The following NAV1 variants were observed in gnomAD, a reference collection of about 807,000 sequenced individuals.
NAV1 encodes pore membrane and/or filament interacting like protein 3.
Under a neutral mutation model 175.2 loss-of-function variants are expected in NAV1, and 18 were observed. The observed-to-expected ratio is 0.10, with a 90% confidence interval of 0.07 to 0.15. The LOEUF is 0.15. NAV1 is among the 10% of genes least tolerant of loss of function. The pLI is 1.00. For synonymous variants in NAV1, 897 were observed against 978.7 expected, an observed-to-expected ratio of 0.92 and a Z score of 1.56; for missense variants, 1,731 against 2,436.6, an observed-to-expected ratio of 0.71 and a Z score of 6.10.
intron 1 of NAV1, among the ~76,000 whole-genome samples, chr1:201,554,284 C>T (rs766693696): frequency 4.0e-4 from 61 of 152,312 alleles, no homozygotes; most frequent in Admixed American, 2.2e-3. Flanking sequence ...TGGGGAGACA[C>T]TGGTGACCCG....
intron 1 of NAV1, among the ~76,000 whole-genome samples, chr1:201,571,315 G>T (rs1403798359): frequency 2.6e-5 from 4 of 152,244 alleles, no homozygotes; most frequent in Non-Finnish European, 5.9e-5. Flanking sequence ...TGTGTGCAGG[G>T]TTCCTAGAAC....
At chr1:201,567,900 G>T (rs1342962745) in intron 1 of NAV1, among the ~76,000 whole-genome samples, 2 of 152,160 alleles carry the variant, frequency 1.3e-5, no homozygotes, top group Non-Finnish European at 2.9e-5. Context: ...CACGGAGCAA[G>T]GGTAACTGAC....
chr1:201,594,547 A>G (rs1037454104), intron 2 of NAV1, among the ~76,000 whole-genome samples: 4 of 152,222 alleles, frequency 2.6e-5, no homozygotes, highest in Admixed American at 1.3e-4. Context: ...TAAACTCTCT[A>G]TCAGCATAGT....
chr1:201,661,187 C>T (rs971890759), intron 1 of NAV1, among the ~76,000 whole-genome samples: 5 of 152,168 alleles, frequency 3.3e-5, no homozygotes, highest in Non-Finnish European at 7.3e-5. Context: ...CACTGCTCTC[C>T]CTGCCCTCTT....
intron 1 of NAV1, among the ~76,000 whole-genome samples, chr1:201,674,409 G>A (rs1670164670): frequency 1.3e-5 from 2 of 152,104 alleles, no homozygotes; most frequent in Non-Finnish European, 2.9e-5. Flanking sequence ...GTTGTCCAGG[G>A]CCCAGCCCAG....
At chr1:201,716,026 A>G (rs1672128040) in intron 2 of NAV1, among the ~76,000 whole-genome samples, 1 of 152,104 alleles carries the variant, frequency 6.6e-6, no homozygotes, top group Non-Finnish European at 1.5e-5. Flanking sequence ...AAAAAAAAAG[A>G]GAGAGCTGTG....
chr1:201,614,042 G>A (rs1417400609), intron 2 of NAV1, among the ~76,000 whole-genome samples: 2 of 151,270 alleles, frequency 1.3e-5, no homozygotes, highest in African/African-American at 4.9e-5. Flanking sequence ...GGTGGGGGTT[G>A]GGAAGATGGG....
At chr1:201,648,545 G>C (rs977740987) in exon 1 of NAV1, 2 of 1,240,438 alleles carry the variant, frequency 1.6e-6, no homozygotes, top group Non-Finnish European at 1.0e-6. Flanking sequence ...CTTCTTCCTC[G>C]GTTTCTTCCG....
At position 201,810,779 on chromosome 1, in the gene NAV1, CT is replaced by C. The variant is rs771130840; in HGVS notation, c.4797+22del. 2.2e-4 allele frequency: 350 copies of C among 1,595,824 alleles called. 1 individual carries two copies. Among genetic ancestry groups the C allele is most frequent in the Non-Finnish European group, 2.9e-4 (337 of 1,165,160 alleles). On this transcript the variant is annotated intron_variant, in intron 24 of 29. Coordinates refer to ENST00000367296, the Ensembl canonical transcript of NAV1. This position sits in a 1 kb window ranked among gnomAD's most constrained non-coding sequence, Gnocchi z 6.0. The stretch of plus-strand genomic sequence containing the variant: ...GCAAGGTGGCTGCCCCCCGACACCC[CT>C]GCCAGCCTTTGTTCATGCCTCAGCC...
exon 30 of NAV1, chr1:201,821,218 G>A (rs1679359932): frequency 6.6e-6 from 1 of 152,596 alleles, no homozygotes; most frequent in South Asian, 2.1e-4. Context: ...GCCTTTCACT[G>A]CACTATTCTG....
At chr1:201,589,673 G>A (rs1667132277) in intron 2 of NAV1, among the ~76,000 whole-genome samples, 1 of 152,108 alleles carries the variant, frequency 6.6e-6, no homozygotes, top group Non-Finnish European at 1.5e-5. Context: ...TGTATTTTTA[G>A]TAGAGACAGA....
chr1:201,663,154 G>C (rs1228948978), intron 1 of NAV1, among the ~76,000 whole-genome samples: 1 of 152,118 alleles, frequency 6.6e-6, no homozygotes, highest in Non-Finnish European at 1.5e-5. Flanking sequence ...AAGGGGAACG[G>C]TCTCTGATTG....
intron 3 of NAV1, among the ~76,000 whole-genome samples, chr1:201,753,581 C>T (rs779961260): frequency 2.0e-5 from 3 of 152,156 alleles, no homozygotes; most frequent in Non-Finnish European, 4.4e-5. Context: ...TGACAGTGCT[C>T]AACTCAAACA....
intron 1 of NAV1, among the ~76,000 whole-genome samples, chr1:201,654,129 C>T (rs1425894791): frequency 1.5e-4 from 23 of 152,130 alleles, no homozygotes; most frequent in Admixed American, 1.5e-3. Flanking sequence ...GTTCCTCTGC[C>T]CTGGGGAGAA....
At chr1:201,768,570 C>T (rs1675361400) in intron 3 of NAV1, among the ~76,000 whole-genome samples, 1 of 147,306 alleles carries the variant, frequency 6.8e-6, no homozygotes, top group Admixed American at 6.9e-5. Context: ...CCCAGGAGGT[C>T]AAGGCTGCAG....
At chr1:201,727,518 T>C (rs1178955485) in intron 3 of NAV1, among the ~76,000 whole-genome samples, 1 of 152,200 alleles carries the variant, frequency 6.6e-6, no homozygotes, top group East Asian at 1.9e-4. Flanking sequence ...CTCTTTCCCA[T>C]CATGACTTGG....
intron 3 of NAV1, among the ~76,000 whole-genome samples, chr1:201,770,764 A>G (rs1476073259): frequency 1.3e-5 from 2 of 152,148 alleles, no homozygotes; most frequent in African/African-American, 2.4e-5. Context: ...TTATAGAGCA[A>G]ATAAGTACCC....
intron 2 of NAV1, among the ~76,000 whole-genome samples, chr1:201,592,422 T>G (rs1462114364): frequency 1.3e-5 from 2 of 152,128 alleles, no homozygotes; most frequent in Non-Finnish European, 2.9e-5. Context: ...CTCATTTTGT[T>G]GAAGAAACAG....
Position 201,788,539 on chromosome 1 carries a change from G to A in NAV1, c.3067G>A (p.Glu1023Lys), listed in dbSNP as rs777572019. The A allele has an allele frequency of 2.5e-6, 4 of 1,613,978 alleles. No individual in the cohort carries two copies. Among genetic ancestry groups the A allele is most frequent in the South Asian group, 1.1e-5 (1 of 91,070 alleles). ...CATCCCCACCCACGAGGCGGCCTTC[G>A]AGCTGTACAGCGGCTCCCAAATGGG... Residue 1023 changes from glutamate to lysine, a missense_variant, in exon 10 of 30, where the codon GAG (glutamate) becomes AAG (lysine). Glu to Lys is a moderately conservative substitution (Grantham distance 56). This residue lies in a region of NAV1 where 634 missense variants were observed against 766.8 expected (regional missense o/e 0.83). Coordinates refer to ENST00000367296, the Ensembl canonical transcript of NAV1. The surrounding 1 kb of genome is among the most constrained non-coding windows in gnomAD (Gnocchi z 5.7).
Sources: gnomAD v4.1 joint callset for allele counts (sites outside exome capture counted in the v4.1 genomes callset) on GRCh38, gnomAD v4.1.1 for gene constraint, gnomAD v4.1.1 regional missense constraint, Gnocchi (gnomAD v3.1) non-coding constraint, MANE v1.5 for transcripts, NCBI Gene and HGNC (gene_info 2026-07-23, HGNC 2026-07-21) for gene names.